Variants in SLC2A13 observed in about 807,000 individuals in gnomAD.
SLC2A13 encodes solute carrier family 2 member 13, also known as proton myo-inositol cotransporter.
SLC2A13 carries 32 observed loss-of-function variants against 64.4 expected under a neutral mutation model. That is an observed-to-expected ratio of 0.50 (90% CI 0.37 to 0.67). SLC2A13 has a LOEUF of 0.67. SLC2A13 is among the 30% of genes least tolerant of loss of function. The pLI, the probability that SLC2A13 is intolerant of heterozygous loss-of-function variation, is 0.00. For synonymous variants in SLC2A13, 338 were observed against 327.1 expected (o/e 1.03, Z -0.36); for missense variants, 743 against 829.2 (o/e 0.90, Z 1.28).
At chr12:39,877,215 G>C (rs1944208461) in intron 4 of SLC2A13, among the ~76,000 whole-genome samples, 1 of 152,096 alleles carries the variant, frequency 6.6e-6, no homozygotes, top group Non-Finnish European at 1.5e-5. Flanking sequence ...AATAAAAAGA[G>C]GTTGAATGGA....
At position 40,065,624 on chromosome 12, in the gene SLC2A13, C is replaced by G. The variant is rs143661870; in HGVS notation, c.557-17414G>C. Among the ~76,000 whole-genome samples, 29 of 152,114 alleles carry G rather than the reference C, an allele frequency of 1.9e-4. No homozygotes were observed. In the East Asian group the frequency reaches 4.6e-3, roughly 24 times the overall value. The stretch of plus-strand genomic sequence containing the variant: ...AAAAATTATTAGCTGTCATCTAAGA[C>G]TCTACAAATGTTCTATATGGCTTGG... On this transcript the variant is annotated intron_variant, in intron 1 of 9. Transcript: ENST00000280871.
chr12:39,988,023 T>C (rs1332743048), intron 3 of SLC2A13, among the ~76,000 whole-genome samples: 1 of 152,116 alleles, frequency 6.6e-6, no homozygotes, highest in Non-Finnish European at 1.5e-5. Context: ...ACTTAGTAAA[T>C]CCCCTATTGA....
At chr12:39,813,892 T>C (rs987616093) in intron 7 of SLC2A13, among the ~76,000 whole-genome samples, 1 of 152,256 alleles carries the variant, frequency 6.6e-6, no homozygotes, top group Non-Finnish European at 1.5e-5. Flanking sequence ...CGCTGAAGAA[T>C]GTCATTCCTG....
intron 3 of SLC2A13, among the ~76,000 whole-genome samples, chr12:39,977,326 T>C (rs35359546): frequency 1.3e-5 from 2 of 152,218 alleles, no homozygotes; most frequent in South Asian, 2.1e-4. Flanking sequence ...GTTTCTAATG[T>C]TCCCACATAT....
rs139353417 is a variant in SLC2A13, at chr12:39,912,942, G to A, written c.1034+38315C>T. On this transcript the variant is annotated intron_variant, in intron 4 of 9. Transcript: ENST00000280871. ...TTATATGTGACCACAGATTTATGGC[G>A]TAGGAAGAAGTACTAGTGGCTTCTT... Among the ~76,000 whole-genome samples, 736 of 152,236 alleles carry A rather than the reference G, an allele frequency of 4.8e-3. 3 individuals are homozygous for A. Among genetic ancestry groups the A allele is most frequent in the Middle Eastern group, 0.01 (3 of 294 alleles).
chr12:39,820,175 T>C (rs1375215497), intron 7 of SLC2A13, among the ~76,000 whole-genome samples: 1 of 152,104 alleles, frequency 6.6e-6, no homozygotes, highest in Non-Finnish European at 1.5e-5. Flanking sequence ...CATGTGCCTC[T>C]GAAATGAAAA....
chr12:40,045,354 G>T (rs1268929071), intron 2 of SLC2A13, among the ~76,000 whole-genome samples: 1 of 151,610 alleles, frequency 6.6e-6, no homozygotes, highest in Admixed American at 6.6e-5. Context: ...TTTTCCTTAA[G>T]ATTTTTGAAA....
rs1940572308 is a variant in SLC2A13, at chr12:39,771,419, TTTG to T, written c.1446-6564_1446-6562del. On this transcript the variant is annotated intron_variant, in intron 7 of 9. Coordinates refer to ENST00000280871, the MANE Select transcript of SLC2A13 (RefSeq NM_052885.4). ...GCTGTAGGATGCCTATGCTGGGAGA[TTTG>T]TGGAAGGAACTGAGGGCAGCCTCTG... Among the ~76,000 whole-genome samples, 3 of 152,116 alleles carry T rather than the reference TTTG, an allele frequency of 2.0e-5. No individual in the cohort carries two copies. The South Asian group carries it at 6.3e-4, about 32-fold the overall frequency.
intron 6 of SLC2A13, among the ~76,000 whole-genome samples, chr12:39,841,689 C>T (rs1943183470): frequency 1.3e-5 from 2 of 151,784 alleles, no homozygotes; most frequent in South Asian, 4.2e-4. Context: ...TGTATATAAT[C>T]AACACATACA....
chr12:40,022,613 G>C (rs952179056), intron 3 of SLC2A13, among the ~76,000 whole-genome samples: 1 of 152,170 alleles, frequency 6.6e-6, no homozygotes, highest in African/African-American at 2.4e-5. Flanking sequence ...AAGGCAGGTG[G>C]ATCACTTGAG....
At chr12:39,763,256 A>C (rs544368194) in intron 9 of SLC2A13, among the ~76,000 whole-genome samples, 28 of 152,214 alleles carry the variant, frequency 1.8e-4, no homozygotes, top group Admixed American at 7.2e-4. Flanking sequence ...TAAATATTTC[A>C]AATGTCTTAA....
At chr12:39,840,435 TC>T (rs1248974185) in intron 6 of SLC2A13, among the ~76,000 whole-genome samples, 1 of 152,006 alleles carries the variant, frequency 6.6e-6, no homozygotes, top group East Asian at 1.9e-4. Flanking sequence ...AGGATGAAAA[TC>T]ATACTCCTTT....
intron 7 of SLC2A13, among the ~76,000 whole-genome samples, chr12:39,774,701 G>C (rs1222370482): frequency 6.7e-6 from 1 of 149,112 alleles, no homozygotes; most frequent in African/African-American, 2.5e-5. Context: ...AGTCTTTATT[G>C]AGACAATTAA....
At chr12:39,786,201 G>A (rs1407961269) in intron 7 of SLC2A13, among the ~76,000 whole-genome samples, 5 of 152,112 alleles carry the variant, frequency 3.3e-5, no homozygotes, top group African/African-American at 9.7e-5. Context: ...CATGTATTGT[G>A]GGAGGTACCC....
chr12:40,006,992 A>G (rs2136189537), intron 3 of SLC2A13, among the ~76,000 whole-genome samples: 1 of 152,218 alleles, frequency 6.6e-6, no homozygotes, highest in East Asian at 1.9e-4. Context: ...ATGGGTCACT[A>G]ATCAGTTTAT....
chr12:39,930,040 A>G (rs1267923976), intron 4 of SLC2A13, among the ~76,000 whole-genome samples: 4 of 151,930 alleles, frequency 2.6e-5, no homozygotes, highest in Middle Eastern at 3.4e-3. Context: ...CTGAGGCAGG[A>G]GAATCGCTTG....
chr12:40,079,560 T>C (rs1472517063), intron 1 of SLC2A13, among the ~76,000 whole-genome samples: 2 of 152,198 alleles, frequency 1.3e-5, no homozygotes. Flanking sequence ...CATGTGCAGG[T>C]GAGAAGAATG....
intron 9 of SLC2A13, among the ~76,000 whole-genome samples, chr12:39,762,699 G>A (rs1431845747): frequency 6.6e-6 from 1 of 152,090 alleles, no homozygotes; most frequent in East Asian, 1.9e-4. Context: ...GAATATAAAT[G>A]CATAGCTTAC....
At chr12:39,946,693 C>T (rs1465913138) in intron 4 of SLC2A13, among the ~76,000 whole-genome samples, 1 of 152,132 alleles carries the variant, frequency 6.6e-6, no homozygotes, top group Admixed American at 6.5e-5. Context: ...ACGGAAGAGC[C>T]GGTCTCACTC....
Sources: allele counts gnomAD v4.1 joint callset (sites outside exome capture counted in the v4.1 genomes callset), GRCh38; gene constraint gnomAD v4.1.1; transcripts MANE v1.5; gene names NCBI Gene and HGNC (gene_info 2026-07-23, HGNC 2026-07-21).